The following FANCI variants were observed in gnomAD, a reference collection of about 807,000 sequenced individuals.
FANCI encodes the protein Fanconi anemia group I protein.
In FANCI, 156 loss-of-function variants were observed where a neutral mutation model predicts 176.1. The ratio of observed to expected loss-of-function variants is 0.89; its 90% CI spans 0.78 to 1.01. FANCI has a LOEUF of 1.01. Among genes scored for constraint, FANCI ranks in the 50% least tolerant of loss-of-function variants. The pLI is 0.00. For synonymous variants in FANCI, 613 were observed against 541.7 expected (o/e 1.13, Z -1.83); for missense variants, 1,678 against 1,534.1 (o/e 1.09, Z -1.57).
intron 36 of FANCI, 127 bp downstream of exon 36, chr15:89,314,834 TCTCCCCCCCCC>T: frequency 2.9e-6 from 1 of 349,150 alleles, no homozygotes. Context: ...CCATCCCCCC[TCTCCCCCCCCC>T]CCCCTTTTTT....
intron 18 of FANCI, among the ~76,000 whole-genome samples, chr15:89,286,620 CAG>C (rs1245476786): frequency 2.6e-5 from 4 of 152,124 alleles, no homozygotes; most frequent in Non-Finnish European, 5.9e-5. Flanking sequence ...ATGCTATAAA[CAG>C]ATGTGTTATC....
intron 5 of FANCI, 24 bp from the exon 6 acceptor site, chr15:89,261,797 G>T: frequency 1.2e-6 from 2 of 1,614,020 alleles, no homozygotes; most frequent in Non-Finnish European, 1.7e-6. Context: ...CAAATTCATT[G>T]CTCAGTATAT....
intron 18 of FANCI, among the ~76,000 whole-genome samples, chr15:89,289,177 G>A (rs2053956108): frequency 6.6e-6 from 1 of 151,596 alleles, no homozygotes; most frequent in Non-Finnish European, 1.5e-5. Context: ...TTAAAATTTT[G>A]CCTGTAGATT....
At chr15:89,271,142 T>C (rs994705801) in intron 10 of FANCI, among the ~76,000 whole-genome samples, 13 of 152,244 alleles carry the variant, frequency 8.5e-5, no homozygotes, top group Admixed American at 6.5e-5. Flanking sequence ...GAAAATGTAT[T>C]CTTTAAACTT....
Position 89,274,174 on chromosome 15 carries a change from G to T in FANCI, c.982G>T (p.Asp328Tyr). ...RIQRFQDQVL[D>Y]LLKTSVVKSF... Reference sequence around the variant, plus strand: ...TTTATTAACTATACTCAAGGTGCTTGATCTTTTAAAGACTTCGGTTGTAAA... The same window carrying T: ...TTTATTAACTATACTCAAGGTGCTTTATCTTTTAAAGACTTCGGTTGTAAA... Residue 328 changes from aspartate (D) to tyrosine (Y), a missense_variant, in exon 12 of 38, where the codon GAT becomes TAT. Coordinates refer to ENST00000310775, the MANE Select transcript of FANCI (RefSeq NM_001113378.2). 1 of 1,563,084 alleles carries T rather than the reference G, an allele frequency of 6.4e-7. No individual in the cohort carries two copies. Among genetic ancestry groups the T allele is most frequent in the South Asian group, 1.2e-5 (1 of 85,834 alleles).
intron 2 of FANCI, among the ~76,000 whole-genome samples, chr15:89,248,732 T>A (rs1225659736): frequency 1.3e-5 from 2 of 152,210 alleles, no homozygotes; most frequent in Non-Finnish European, 2.9e-5. Flanking sequence ...GACTCTAGGA[T>A]AGAGTAATGC....
chr15:89,295,244 G>C lies in FANCI; in HGVS notation c.2636+150G>C, dbSNP rs975231954. 4 of 903,380 alleles carry C rather than the reference G, an allele frequency of 4.4e-6. No individual in the cohort carries two copies. The African/African-American group carries it at 6.7e-5, about 15-fold the overall frequency. 56.0% of individuals were successfully genotyped at this position (903,380 alleles called of 1,614,324 possible). A position where few individuals can be genotyped will look rare whatever the true frequency, so the allele number is the denominator to read the frequency against. Reference sequence around the variant, plus strand: ...AACATTAGCCAGGTGGCAGGCACTTGTAATCCCAGCTACTCAGGAAGCTGA... The same window carrying C: ...AACATTAGCCAGGTGGCAGGCACTTCTAATCCCAGCTACTCAGGAAGCTGA... On this transcript the variant is annotated intron_variant, in intron 24 of 37. Transcript: ENST00000310775.
chr15:89,248,399 A>G (rs1051649332), intron 2 of FANCI, among the ~76,000 whole-genome samples: 2 of 152,136 alleles, frequency 1.3e-5, no homozygotes, highest in Non-Finnish European at 2.9e-5. Context: ...TTTTCTGTCA[A>G]TTGATGAGTA....
intron 20 of FANCI, among the ~76,000 whole-genome samples, chr15:89,292,441 T>C (rs1230020103): frequency 6.6e-6 from 1 of 152,232 alleles, no homozygotes; most frequent in Non-Finnish European, 1.5e-5. Context: ...AGACCAGAGA[T>C]AGCACATCTA....
intron 10 of FANCI, among the ~76,000 whole-genome samples, chr15:89,272,968 A>G (rs2053256472): frequency 6.6e-6 from 1 of 152,048 alleles, no homozygotes; most frequent in South Asian, 2.1e-4. Context: ...CACCCGGCCA[A>G]GGGACTTACT....
intron 19 of FANCI, among the ~76,000 whole-genome samples, chr15:89,290,752 A>G (rs1454269230): frequency 1.3e-5 from 2 of 152,344 alleles, no homozygotes; most frequent in East Asian, 1.9e-4. Flanking sequence ...AAGAATTCAT[A>G]TAGAGACTCT....
chr15:89,252,345 C>T (rs866062497), intron 2 of FANCI, among the ~76,000 whole-genome samples: 27 of 151,584 alleles, frequency 1.8e-4, no homozygotes, highest in South Asian at 6.3e-4. Context: ...TTGTAGATGG[C>T]ATGATAGTAT....
chr15:89,294,485 C>G (rs1449539968), intron 23 of FANCI, among the ~76,000 whole-genome samples: 1 of 151,694 alleles, frequency 6.6e-6, no homozygotes, highest in South Asian at 2.1e-4. Context: ...CTTGGGAGGC[C>G]GAGGCAGGAG....
intron 13 of FANCI, among the ~76,000 whole-genome samples, chr15:89,277,337 C>T (rs1404176817): frequency 2.6e-5 from 4 of 152,046 alleles, no homozygotes; most frequent in African/African-American, 4.8e-5. Flanking sequence ...CATGCTTGGT[C>T]GGGCATGGTG....
rs201197551 is a variant in FANCI at position 89,307,559 on chromosome 15, G to A, written c.3591+30G>A. 2.5e-5 allele frequency: 40 copies of A among 1,614,180 alleles called. No homozygotes were observed. In the African/African-American group the frequency reaches 4.8e-4, roughly 19 times the overall value. On this transcript the variant is annotated intron_variant, in intron 33 of 37. Coordinates refer to ENST00000310775, the MANE Select transcript of FANCI (RefSeq NM_001113378.2). ...GTTGAGAATGCCTTTCCTAGGAATG[G>A]GGGAAGCACTTTTACTGCTGGTTAC...
rs752735260 is a variant in FANCI, at chr15:89,299,842, A to G, written c.2679A>G (p.Glu893=). Reference sequence around the variant, plus strand: ...ACACTTCAATTCCTACTTCAGTGGAAGAGTCGGGAAAGAAAGAGAAAGGAA... The same window carrying G: ...ACACTTCAATTCCTACTTCAGTGGAGGAGTCGGGAAAGAAAGAGAAAGGAA... The part of the protein sequence containing the change: ...WRYTSIPTSV[E]ESGKKEKGKS... Residue 893 remains glutamate, a synonymous_variant, in exon 25 of 38, where the codon GAA becomes GAG. Transcript: ENST00000310775. 2.5e-6 allele frequency: 4 copies of G among 1,614,044 alleles called. No homozygotes were observed. The highest frequency in any genetic ancestry group is 1.1e-5 in the South Asian group (1 of 91,076).
chr15:89,296,659 T>C (rs1050519467), intron 24 of FANCI, among the ~76,000 whole-genome samples: 47 of 152,270 alleles, frequency 3.1e-4, no homozygotes, highest in Non-Finnish European at 6.3e-4. Context: ...CCCCTTTCTA[T>C]TCCACAAAAC....
intron 35 of FANCI, among the ~76,000 whole-genome samples, chr15:89,313,287 TGTATG>T (rs2055041669): frequency 6.6e-6 from 1 of 152,072 alleles, no homozygotes; most frequent in South Asian, 2.1e-4. Flanking sequence ...GTGAGTGAAT[TGTATG>T]GTATATGAAT....
intron 24 of FANCI, among the ~76,000 whole-genome samples, chr15:89,299,164 T>G (rs1469459285): frequency 7.6e-6 from 1 of 132,344 alleles, no homozygotes; most frequent in Admixed American, 7.6e-5. Flanking sequence ...AGTGAGACTC[T>G]GTCTCAAAAA....
Sources: allele counts gnomAD v4.1 joint callset (sites outside exome capture counted in the v4.1 genomes callset), GRCh38; gene constraint gnomAD v4.1.1; transcripts MANE v1.5; gene names NCBI Gene and HGNC (gene_info 2026-07-23, HGNC 2026-07-21).